ARSG: variants seen among roughly 807,000 people sequenced by gnomAD.
The protein encoded by ARSG is arylsulfatase G.
Under a neutral mutation model 50.5 loss-of-function variants are expected in ARSG, and 37 were observed. That is an observed-to-expected ratio of 0.73 (90% CI 0.56 to 0.96). The LOEUF is 0.96. Among genes scored for constraint, ARSG ranks in the 50% least tolerant of loss-of-function variants. ARSG has a pLI of 0.00. For synonymous variants in ARSG, 225 were observed against 254.6 expected, an observed-to-expected ratio of 0.88 and a Z score of 1.11; for missense variants, 629 against 675.3, an observed-to-expected ratio of 0.93 and a Z score of 0.76.
rs149045241 is a variant in ARSG at position 68,376,276 on chromosome 17, C to CTTT, written c.982+5752_982+5753insTTT. ...CAGGAGTGTGCCACTGCGCCCCCTG[C>CTTT]ATTTTTTTTTTTTTTTCTGAGATAG... On this transcript the variant is annotated intron_variant, in intron 8 of 11. Transcript: ENST00000621439. 1.5e-5 allele frequency among the ~76,000 whole-genome samples: 2 copies of CTTT among 131,944 alleles called. 1 individual carries two copies. Among genetic ancestry groups the CTTT allele is most frequent in the African/African-American group, 6.0e-5 (2 of 33,430 alleles). 86.6% of individuals were successfully genotyped at this position (131,944 alleles called of 152,430 possible).
chr17:68,276,389 T>A (rs149255751), intron 1 of ARSG, among the ~76,000 whole-genome samples: 1 of 152,324 alleles, frequency 6.6e-6, no homozygotes, highest in East Asian at 1.9e-4. Flanking sequence ...AGATAACAGT[T>A]CCATGACAGT....
chr17:68,439,254 TAAAG>T, the ARSG span, among the ~76,000 whole-genome samples: 2 of 152,132 alleles, frequency 1.3e-5, no homozygotes, highest in African/African-American at 2.4e-5. Context: ...GATAAATGGA[TAAAG>T]AAAATGTGAT....
At chr17:68,404,417 A>G (rs1881882969) in intron 11 of ARSG, among the ~76,000 whole-genome samples, 1 of 152,234 alleles carries the variant, frequency 6.6e-6, no homozygotes, top group Non-Finnish European at 1.5e-5. Flanking sequence ...GTGAGGTTTT[A>G]TAAATGTAGA....
rs1409599513 is a variant in ARSG, at chr17:68,381,989, C to T, written c.983-3075C>T. ...TTTTTTTTTTTGACAGAGTCTCTGT[C>T]GTGCAGGCTGGAGTGAAGTGGCTCA... On this transcript the variant is annotated intron_variant, in intron 8 of 11. Transcript: ENST00000621439. The surrounding 1 kb of genome is among the most constrained non-coding windows in gnomAD (Gnocchi z 4.1). Among the ~76,000 whole-genome samples the T allele has an allele frequency of 6.7e-6, 1 of 149,674 alleles. No homozygotes were observed. The highest frequency in any genetic ancestry group is 1.9e-4 in the East Asian group (1 of 5,132).
Position 68,401,598 on chromosome 17 carries a change from C to T in ARSG, c.1303+148C>T, listed in dbSNP as rs529893598. On this transcript the variant is annotated intron_variant, in intron 11 of 11. Transcript: ENST00000621439. Reference sequence around the variant, plus strand: ...TCTTGACAAGCGTCTCCTCCAAACCCAGGGTCCCTGCACAGGCTCTCTGGA... The same window carrying T: ...TCTTGACAAGCGTCTCCTCCAAACCTAGGGTCCCTGCACAGGCTCTCTGGA... The T allele has an allele frequency of 1.5e-5, 10 of 655,174 alleles. No homozygotes were observed. The Admixed American group carries it at 2.4e-4, about 16-fold the overall frequency. The allele number at this position is 655,174 out of a possible 1,614,324, so 40.6% of individuals were successfully genotyped here.
At chr17:68,274,242 G>A in intron 1 of ARSG, 1 of 582,400 alleles carries the variant, frequency 1.7e-6, no homozygotes, top group Non-Finnish European at 2.9e-6. Flanking sequence ...GAGGACGGAG[G>A]ATCGCTTGAG....
In ARSG at chr17:68,420,105, T is replaced by C. The variant is rs553967319; in HGVS notation, c.1304-84T>C. The C allele has an allele frequency of 1.8e-3, 2,606 of 1,475,418 alleles. 7 individuals carry two copies. Among genetic ancestry groups the C allele is most frequent in the Non-Finnish European group, 2.2e-3 (2,376 of 1,080,862 alleles). 91.4% of individuals were successfully genotyped at this position (1,475,418 alleles called of 1,614,324 possible). A position where few individuals can be genotyped will look rare whatever the true frequency, so the allele number is the denominator to read the frequency against. The stretch of plus-strand genomic sequence containing the variant: ...TGGTTATCTGGTATGTTTGAATTAA[T>C]GTAGAATCACTCGCAGCTCTCGTCT... On this transcript the variant is annotated intron_variant, in intron 11 of 11. Transcript: ENST00000621439.
chr17:68,401,426 C>G lies in ARSG; in HGVS notation c.1279C>G (p.Arg427Gly). 1 of 1,614,028 alleles carries G rather than the reference C, an allele frequency of 6.2e-7. No individual in the cohort carries two copies. The highest frequency in any genetic ancestry group is 8.5e-7 in the Non-Finnish European group (1 of 1,179,888). ...FGALQTVRLE[R>G]YKAFYITGGA... ...AGCCCTGCAGACTGTCCGCCTGGAG[C>G]GTTACAAGGCCTTCTACATTACCGG... Residue 427 changes from arginine (R) to glycine (G), a missense_variant, in exon 11 of 12, where the codon CGT becomes GGT. Coordinates refer to ENST00000621439, the MANE Select transcript of ARSG (RefSeq NM_001267727.2).
intron 2 of ARSG, among the ~76,000 whole-genome samples, chr17:68,322,764 T>G (rs2077342706): frequency 6.6e-6 from 1 of 152,190 alleles, no homozygotes; most frequent in Non-Finnish European, 1.5e-5. Context: ...AGTGTGTTTT[T>G]GGCACTGACC....
chr17:68,363,153 G>C lies in ARSG; in HGVS notation c.705-5395G>C, dbSNP rs527965861. ...GGAAAAGGGCTATGGCAGGGATGGG[G>C]GCAGAGAGGAGGCAGCCAACCATGA... On this transcript the variant is annotated intron_variant, in intron 6 of 11. Coordinates refer to ENST00000621439, the MANE Select transcript of ARSG (RefSeq NM_001267727.2). Among the ~76,000 whole-genome samples, 46 of 152,310 alleles carry C rather than the reference G, an allele frequency of 3.0e-4. 1 individual carries two copies. The highest frequency in any genetic ancestry group is 1.1e-3 in the African/African-American group (46 of 41,564).
At chr17:68,427,418 G>A (rs990180267), downstream of ARSG, 34 of 486,810 alleles carry the variant, frequency 7.0e-5, no homozygotes, top group African/African-American at 1.6e-4. Flanking sequence ...GTGCAGTGGC[G>A]CAATCTCGGC....
intron 6 of ARSG, among the ~76,000 whole-genome samples, chr17:68,361,508 G>T (rs1380599248): frequency 6.6e-6 from 1 of 151,938 alleles, no homozygotes; most frequent in Non-Finnish European, 1.5e-5. Flanking sequence ...GAGCTCAGGC[G>T]TTCAAGACCA....
rs772190326 is a variant in ARSG at position 68,368,606 on chromosome 17, C to T, written c.763C>T (p.Pro255Ser). Reference sequence around the variant, plus strand: ...TCTGGCCCACATGCACGTGCCCTTACCTGTGACTCAGCTACCAGCAGCGCC... The same window carrying T: ...TCTGGCCCACATGCACGTGCCCTTATCTGTGACTCAGCTACCAGCAGCGCC... ...VALAHMHVPL[P>S]VTQLPAAPRG... The change falls in exon 7 of 12, where the codon CCT becomes TCT. Residue 255 changes from proline to serine, a missense_variant. Physicochemically the swap from Pro to Ser is moderately conservative, Grantham distance 74 (BLOSUM62 -1). Transcript: ENST00000621439. 1 of 1,614,214 alleles carries T rather than the reference C, an allele frequency of 6.2e-7. No homozygotes were observed. The highest frequency in any genetic ancestry group is 8.5e-7 in the Non-Finnish European group (1 of 1,180,030).
chr17:68,368,978 C>T (rs1426430860), intron 7 of ARSG, among the ~76,000 whole-genome samples: 1 of 152,200 alleles, frequency 6.6e-6, no homozygotes, highest in East Asian at 1.9e-4. Context: ...CTTGCTGGCC[C>T]GTTGTGTGTC....
intron 6 of ARSG, among the ~76,000 whole-genome samples, chr17:68,364,662 A>G (rs1313024922): frequency 6.6e-6 from 1 of 151,952 alleles, no homozygotes; most frequent in Middle Eastern, 3.2e-3. Context: ...CTGTTTTAAT[A>G]CCTCCGAGTA....
chr17:68,267,557 T>C (rs1189212180), intron 1 of ARSG: 4 of 152,236 alleles, frequency 2.6e-5, no homozygotes, highest in African/African-American at 9.6e-5. Flanking sequence ...AGGCTTGTTA[T>C]GTTTTTCCCC....
chr17:68,286,575 G>A (rs1237268824), upstream of ARSG, among the ~76,000 whole-genome samples: 1 of 152,126 alleles, frequency 6.6e-6, no homozygotes, highest in Admixed American at 6.5e-5. Flanking sequence ...CACGATCTTG[G>A]CTCACTGCAA....
intron 2 of ARSG, among the ~76,000 whole-genome samples, chr17:68,308,777 G>T (rs2076715716): frequency 6.6e-6 from 1 of 152,230 alleles, no homozygotes; most frequent in South Asian, 2.1e-4. Context: ...GCCGATTGGT[G>T]TATTTACAAT....
intron 11 of ARSG, among the ~76,000 whole-genome samples, chr17:68,411,571 G>C (rs1429365316): frequency 6.6e-6 from 1 of 151,132 alleles, no homozygotes; most frequent in Non-Finnish European, 1.5e-5. Flanking sequence ...GAATAGGTGT[G>C]GTGTGGTGCT....
Sources: allele counts gnomAD v4.1 joint callset (sites outside exome capture counted in the v4.1 genomes callset), GRCh38; gene constraint gnomAD v4.1.1; non-coding constraint Gnocchi (gnomAD v3.1); transcripts MANE v1.5; gene names NCBI Gene and HGNC (gene_info 2026-07-23, HGNC 2026-07-21).